Variants in CNR1 observed in about 807,000 individuals in gnomAD.
CNR1 encodes the protein cannabinoid receptor 1, also known as cannabinoid receptor 1 (brain).
Under a neutral mutation model 23.0 loss-of-function variants are expected in CNR1, and 10 were observed. That is an observed-to-expected ratio of 0.43 (90% CI 0.27 to 0.74). The LOEUF is 0.74. CNR1 is among the 30% of genes least tolerant of loss of function. CNR1 has a pLI of 0.19. For missense variants in CNR1, 422 were observed against 618.8 expected, an observed-to-expected ratio of 0.68 and a Z score of 3.37; for synonymous variants, 271 against 255.2, an observed-to-expected ratio of 1.06 and a Z score of -0.59.
intron 1 of CNR1, among the ~76,000 whole-genome samples, chr6:88,151,684 A>AT (rs1316209374): frequency 2.6e-5 from 4 of 151,316 alleles, no homozygotes; most frequent in Admixed American, 6.6e-5. Flanking sequence ...TTATAATAAT[A>AT]TAATACATAC....
chr6:88,157,424 T>G lies in CNR1; in HGVS notation c.-64+8379A>C, dbSNP rs1362821165. Among the ~76,000 whole-genome samples the G allele has an allele frequency of 2.6e-5, 4 of 152,320 alleles. No individual in the cohort carries two copies. In the East Asian group the frequency reaches 7.7e-4, roughly 29 times the overall value. ...CCTCCTGCTACAACATTTTATGTAT[T>G]TTACAACTGAATTAATTAAAATACA... On this transcript the variant is annotated intron_variant, in intron 1 of 1. Transcript: ENST00000369501.
Position 88,144,256 on chromosome 6 carries a change from C to A in CNR1, c.1019G>T (p.Arg340Met), listed in dbSNP as rs765649111. The A allele has an allele frequency of 6.2e-7, 1 of 1,611,156 alleles. No individual in the cohort carries two copies. The highest frequency in any genetic ancestry group is 8.5e-7 in the Non-Finnish European group (1 of 1,180,002). The change falls in exon 2 of 2, where the codon AGG (arginine) becomes ATG (methionine). Residue 340 changes from arginine to methionine, a missense_variant. By Grantham distance (91) the Arg-to-Met change is moderately conservative. Around this residue, in one of 4 missense-constraint regions of CNR1, gnomAD observed 211 missense variants for 357.3 expected, o/e 0.59. Transcript: ENST00000369501. The surrounding 1 kb of genome is among the most constrained non-coding windows in gnomAD (Gnocchi z 7.8). Reference sequence around the variant, plus strand: ...GATCAGGACCAGGGTCTTGGCTAACCTAATGTCCATGCGGGCTTGGTCTGG... The same window carrying A: ...GATCAGGACCAGGGTCTTGGCTAACATAATGTCCATGCGGGCTTGGTCTGG... ...TRPDQARMDI[R>M]LAKTLVLILV...
chr6:88,144,655 A>C lies in CNR1; in HGVS notation c.620T>G (p.Leu207Arg). The C allele has an allele frequency of 6.2e-7, 1 of 1,614,232 alleles. No homozygotes were observed. Among genetic ancestry groups the C allele is most frequent in the Non-Finnish European group, 8.5e-7 (1 of 1,180,046 alleles). ...GTACCTGTCGATGGCTGTGAGGAAC[A>C]GGCTGCCCACGGAGGCAGTGAAGGA... ...TASFTASVGSLFLTAIDRYIS... is the reference protein window; with the variant it reads ...TASFTASVGSRFLTAIDRYIS... Residue 207 changes from leucine to arginine, a missense_variant, in exon 2 of 2, where the codon CTG becomes CGG. Leu to Arg is a moderately radical substitution (Grantham distance 102). This residue lies in a region of CNR1 where 211 missense variants were observed against 357.3 expected (regional missense o/e 0.59). Coordinates refer to ENST00000369501, the MANE Select transcript of CNR1 (RefSeq NM_016083.6). This position sits in a 1 kb window ranked among gnomAD's most constrained non-coding sequence, Gnocchi z 7.8.
At position 88,144,798 on chromosome 6, in the gene CNR1, C is replaced by T. The variant is rs767365611; in HGVS notation, c.477G>A (p.Leu159=). Residue 159 remains leucine, a synonymous_variant, in exon 2 of 2, where the codon CTG becomes CTA. Transcript: ENST00000369501. This position sits in a 1 kb window ranked among gnomAD's most constrained non-coding sequence, Gnocchi z 7.8. ...CACTCCCCAGGAGGTCTGCCACCGCCAGGCTGCCGATGAAGTGGTAGGAAG... is the reference window on the plus strand; with the variant it reads ...CACTCCCCAGGAGGTCTGCCACCGCTAGGCTGCCGATGAAGTGGTAGGAAG... ...CRPSYHFIGS[L]AVADLLGSVI... 9.9e-6 allele frequency: 16 copies of T among 1,614,072 alleles called. No homozygotes were observed. In the South Asian group the frequency reaches 1.5e-4, roughly 16 times the overall value.
At chr6:88,151,461 T>C (rs1218936281) in intron 1 of CNR1, among the ~76,000 whole-genome samples, 1 of 152,168 alleles carries the variant, frequency 6.6e-6, no homozygotes, top group Non-Finnish European at 1.5e-5. Context: ...AATCAGTCTT[T>C]CTAAGCCTCA....
chr6:88,151,267 C>T (rs992227673), intron 1 of CNR1, among the ~76,000 whole-genome samples: 7 of 152,180 alleles, frequency 4.6e-5, no homozygotes, highest in African/African-American at 1.7e-4. Flanking sequence ...TTAGTAGCTA[C>T]TATACTGGAC....
chr6:88,167,085 C>A (rs1483574656), upstream of CNR1, among the ~76,000 whole-genome samples: 1 of 151,938 alleles, frequency 6.6e-6, no homozygotes, highest in Admixed American at 6.6e-5. Context: ...CGCGCCCCGC[C>A]CGCCGGTCCC....
chr6:88,148,034 T>C (rs1217088710), intron 1 of CNR1, among the ~76,000 whole-genome samples: 1 of 152,194 alleles, frequency 6.6e-6, no homozygotes, highest in Non-Finnish European at 1.5e-5. Flanking sequence ...TCCTGTGATC[T>C]AGCTCCCGCC....
rs745631318 is a variant in CNR1 at position 88,141,298 on chromosome 6, A to G, written c.*2558T>C. ...TTTTTAAATGAAGGTTGTATAACAT[A>G]CGTGATGATATTTCACAGATATTTC... On this transcript the variant is annotated 3_prime_UTR_variant, in exon 2 of 2. Coordinates refer to ENST00000369501, the MANE Select transcript of CNR1 (RefSeq NM_016083.6). 2 of 152,800 alleles carry G rather than the reference A, an allele frequency of 1.3e-5. No individual in the cohort carries two copies. The highest frequency in any genetic ancestry group is 2.9e-5 in the Non-Finnish European group (2 of 68,040). The allele number at this position is 152,800 out of a possible 1,614,324, so 9.5% of individuals were successfully genotyped here.
At chr6:88,154,875 C>T (rs573973710) in intron 1 of CNR1, among the ~76,000 whole-genome samples, 5 of 152,270 alleles carry the variant, frequency 3.3e-5, no homozygotes, top group East Asian at 1.9e-4. Context: ...CCACTGTGCC[C>T]GCCCAGAAAG....
chr6:88,156,791 C>A (rs899308303), intron 1 of CNR1, among the ~76,000 whole-genome samples: 1 of 152,180 alleles, frequency 6.6e-6, no homozygotes, highest in Non-Finnish European at 1.5e-5. Flanking sequence ...GAAGATCCAA[C>A]GTAACAGAAC....
Position 88,144,707 on chromosome 6 carries a change from G to A in CNR1, c.568C>T (p.Leu190=). Residue 190 remains leucine, a synonymous_variant, in exon 2 of 2, where the codon CTG becomes TTG. Transcript: ENST00000369501. The surrounding 1 kb of genome is among the most constrained non-coding windows in gnomAD (Gnocchi z 7.8). ...GCCGTGACCCCACCCAGTTTGAACA[G>A]AAACACGTTGCGGCTATCTTTGCGG... ...FHRKDSRNVF[L]FKLGGVTASF... is the part of the protein sequence containing the mutation. The A allele has an allele frequency of 9.9e-6, 16 of 1,614,218 alleles. No homozygotes were observed. The highest frequency in any genetic ancestry group is 1.4e-5 in the Non-Finnish European group (16 of 1,180,048).
At position 88,143,688 on chromosome 6, in the gene CNR1, C is replaced by T. The variant is rs999132233; in HGVS notation, c.*168G>A. On this transcript the variant is annotated 3_prime_UTR_variant, in exon 2 of 2. Transcript: ENST00000369501. ...ACCCCTGGAGAATGGAGTTTGAGTACCTAAACTATGGAAACATTAGCAAAC... is the reference window on the plus strand; with the variant it reads ...ACCCCTGGAGAATGGAGTTTGAGTATCTAAACTATGGAAACATTAGCAAAC... The T allele has an allele frequency of 1.5e-5, 9 of 619,596 alleles. No individual in the cohort carries two copies. Among genetic ancestry groups the T allele is most frequent in the Non-Finnish European group, 2.0e-5 (7 of 352,226 alleles). The allele number at this position is 619,596 out of a possible 1,614,324, so 38.4% of individuals were successfully genotyped here. A position where few individuals can be genotyped will look rare whatever the true frequency, so the allele number is the denominator to read the frequency against.
intron 1 of CNR1, among the ~76,000 whole-genome samples, chr6:88,145,802 G>C (rs1013497862): frequency 6.6e-6 from 1 of 152,204 alleles, no homozygotes; most frequent in Non-Finnish European, 1.5e-5. Flanking sequence ...ACTTCACCTT[G>C]TCAGACAAAT....
intron 1 of CNR1, among the ~76,000 whole-genome samples, chr6:88,149,927 T>C (rs1461192117): frequency 6.6e-6 from 1 of 152,222 alleles, no homozygotes; most frequent in Non-Finnish European, 1.5e-5. Context: ...ACCAGCCTGA[T>C]AGCATGATAG....
intron 1 of CNR1, among the ~76,000 whole-genome samples, chr6:88,150,224 T>C (rs779976992): frequency 3.3e-5 from 5 of 152,192 alleles, no homozygotes; most frequent in Non-Finnish European, 5.9e-5. Flanking sequence ...AACTGGAAAC[T>C]AGTTTATCAG....
At chr6:88,163,499 C>T (rs1274005914) in intron 1 of CNR1, among the ~76,000 whole-genome samples, 1 of 152,182 alleles carries the variant, frequency 6.6e-6, no homozygotes, top group African/African-American at 2.4e-5. Context: ...TGCAAGACAA[C>T]CAAGAAGCCT....
intron 1 of CNR1, among the ~76,000 whole-genome samples, chr6:88,155,626 A>G (rs116297156): frequency 0.015 from 2,325 of 152,352 alleles, 69 homozygotes; most frequent in African/African-American, 0.052. Flanking sequence ...TGTGTACATG[A>G]TAATTTTATA....
chr6:88,166,834 C>T (rs532880761), upstream of CNR1, among the ~76,000 whole-genome samples: 1 of 152,080 alleles, frequency 6.6e-6, no homozygotes, highest in South Asian at 2.1e-4. Context: ...CGAGGCGCGC[C>T]GGGCCCGGGG....
Sources: gnomAD v4.1 joint callset for allele counts (sites outside exome capture counted in the v4.1 genomes callset) on GRCh38, gnomAD v4.1.1 for gene constraint, gnomAD v4.1.1 regional missense constraint, Gnocchi (gnomAD v3.1) non-coding constraint, MANE v1.5 for transcripts, NCBI Gene and HGNC (gene_info 2026-07-23, HGNC 2026-07-21) for gene names.